ACYP2: variants seen among roughly 807,000 people sequenced by gnomAD.
ACYP2 encodes acylphosphatase 2, also known as acylphosphatase-2.
In ACYP2, 12 loss-of-function variants were observed where a neutral mutation model predicts 11.2. The observed-to-expected ratio is 1.08, with a 90% CI of 0.69 to 1.74. ACYP2 has a LOEUF of 1.74. Ranked by LOEUF, ACYP2 falls within the 40% of genes most tolerant of loss-of-function variation. ACYP2 has a pLI of 0.00. For missense variants in ACYP2, 134 were observed against 101.9 expected (o/e 1.31, Z -1.35); for synonymous variants, 43 against 32.2 (o/e 1.33, Z -1.13).
chr2:54,187,281 G>GTC (rs2103879952), intron 6 of ACYP2, among the ~76,000 whole-genome samples: 1 of 152,308 alleles, frequency 6.6e-6, no homozygotes, highest in Admixed American at 6.5e-5. Flanking sequence ...CCCTCCCAGA[G>GTC]TTACAAACCT....
In ACYP2 at chr2:54,124,814, C is replaced by T. The variant is rs191469777; in HGVS notation, c.278-10639C>T. On this transcript the variant is annotated intron_variant, in intron 4 of 6. Coordinates refer to ENST00000607452, the MANE Select transcript of ACYP2 (RefSeq NM_001320586.2). ...CTCACAGGCTCAATTGATCCTCCCC[C>T]ACTCTATCCTCCCTAATAGCTGGGA... 4.7e-3 allele frequency among the ~76,000 whole-genome samples: 720 copies of T among 152,324 alleles called. 2 individuals are homozygous for T. The highest frequency in any genetic ancestry group is 0.017 in the Middle Eastern group (5 of 294).
chr2:54,088,910 T>G lies in ACYP2; in HGVS notation c.277+31550T>G, dbSNP rs1424855294. Among the ~76,000 whole-genome samples the G allele has an allele frequency of 3.9e-5, 6 of 152,222 alleles. No homozygotes were observed. In the East Asian group the frequency reaches 1.2e-3, roughly 29 times the overall value. On this transcript the variant is annotated intron_variant, in intron 4 of 6. Transcript: ENST00000607452. ...TCACCATAAAACATTCTATTCTATC[T>G]GTATTCTGAAGCCCTACAGCCCACA...
intron 4 of ACYP2, chr2:54,123,064 G>A (rs561399040): frequency 4.6e-5 from 13 of 283,638 alleles, no homozygotes; most frequent in African/African-American, 1.1e-4. Context: ...TGCTCCCAGC[G>A]GGAGGAAGAA....
At chr2:54,169,783 G>C (rs1683150033) in intron 6 of ACYP2, among the ~76,000 whole-genome samples, 1 of 151,966 alleles carries the variant, frequency 6.6e-6, no homozygotes, top group South Asian at 2.1e-4. Context: ...TGGATGCTAA[G>C]AGTCAAACAG....
chr2:54,034,625 C>G (rs1456829606), intron 2 of ACYP2, among the ~76,000 whole-genome samples: 2 of 152,166 alleles, frequency 1.3e-5, no homozygotes, highest in Non-Finnish European at 2.9e-5. Context: ...TTTCTCAGAA[C>G]ATATTCTCAA....
At chr2:54,046,335 T>C (rs1303708272) in intron 2 of ACYP2, among the ~76,000 whole-genome samples, 1 of 151,816 alleles carries the variant, frequency 6.6e-6, no homozygotes, top group Non-Finnish European at 1.5e-5. Flanking sequence ...AAAAATTAGC[T>C]GGGTGTGATG....
intron 2 of ACYP2, among the ~76,000 whole-genome samples, chr2:54,027,837 C>CTTTTTT (rs34122179): frequency 1.9e-4 from 19 of 97,872 alleles, no homozygotes; most frequent in East Asian, 3.1e-4. Context: ...TTCTTTCTTT[C>CTTTTTT]TTTTTTTTTT....
intron 2 of ACYP2, among the ~76,000 whole-genome samples, chr2:53,998,136 T>G (rs191661917): frequency 3.7e-4 from 56 of 152,318 alleles, no homozygotes; most frequent in African/African-American, 1.3e-3. Flanking sequence ...ATTTGGGGCC[T>G]TAGAAGAGAG....
At chr2:54,195,508 G>A (rs1005134950) in intron 6 of ACYP2, among the ~76,000 whole-genome samples, 1 of 151,876 alleles carries the variant, frequency 6.6e-6, no homozygotes, top group Non-Finnish European at 1.5e-5. Flanking sequence ...TTCATGGCTC[G>A]CATGGCAGTT....
chr2:54,229,681 T>C (rs1390126799), intron 6 of ACYP2, among the ~76,000 whole-genome samples: 1 of 152,224 alleles, frequency 6.6e-6, no homozygotes, highest in Non-Finnish European at 1.5e-5. Flanking sequence ...TGCCTCCATA[T>C]TTTATAACAG....
intron 6 of ACYP2, among the ~76,000 whole-genome samples, chr2:54,170,903 A>G (rs1428583191): frequency 1.3e-5 from 2 of 151,906 alleles, no homozygotes; most frequent in East Asian, 3.9e-4. Flanking sequence ...TGACACAATC[A>G]CCTCCTCACT....
At chr2:54,036,931 G>C (rs1674932042) in intron 2 of ACYP2, among the ~76,000 whole-genome samples, 1 of 152,042 alleles carries the variant, frequency 6.6e-6, no homozygotes, top group Non-Finnish European at 1.5e-5. Context: ...ACTGCTTCAT[G>C]GTCAGGTCCC....
intron 6 of ACYP2, among the ~76,000 whole-genome samples, chr2:54,201,638 C>CTTTG (rs1558608826): frequency 0.05 from 3,000 of 59,530 alleles, 94 homozygotes; most frequent in South Asian, 0.084. Flanking sequence ...CTTTCTTTCT[C>CTTTG]TTTCTTTCTT....
At chr2:54,082,315 G>A (rs780903695) in intron 4 of ACYP2, among the ~76,000 whole-genome samples, 7 of 150,154 alleles carry the variant, frequency 4.7e-5, no homozygotes, top group African/African-American at 7.4e-5. Flanking sequence ...GTGTGGTCTC[G>A]GCTCACTGCA....
chr2:54,057,019 T>C (rs1226057681), intron 3 of ACYP2, among the ~76,000 whole-genome samples: 2 of 152,202 alleles, frequency 1.3e-5, no homozygotes, highest in Non-Finnish European at 2.9e-5. Context: ...CAAAACTATG[T>C]GAAAATTATA....
At chr2:54,060,086 T>C (rs1184590559) in intron 4 of ACYP2, among the ~76,000 whole-genome samples, 1 of 152,214 alleles carries the variant, frequency 6.6e-6, no homozygotes. Flanking sequence ...CAATCTGAAA[T>C]TGTATGTCTA....
intron 2 of ACYP2, among the ~76,000 whole-genome samples, chr2:53,986,114 G>C (rs1175752859): frequency 6.6e-6 from 1 of 151,890 alleles, no homozygotes; most frequent in African/African-American, 2.4e-5. Flanking sequence ...GCAACAGAGT[G>C]AGACTCCATC....
intron 2 of ACYP2, among the ~76,000 whole-genome samples, chr2:53,978,261 CAAA>C (rs1273195454): frequency 2.3e-4 from 13 of 56,140 alleles, no homozygotes; most frequent in Admixed American, 4.0e-4. Context: ...GACTCCATCT[CAAA>C]AAAAAAAAAA....
At chr2:54,177,662 G>A (rs973291309) in intron 6 of ACYP2, among the ~76,000 whole-genome samples, 2 of 145,190 alleles carry the variant, frequency 1.4e-5, no homozygotes, top group Non-Finnish European at 3.0e-5. Flanking sequence ...ACTGCAACCT[G>A]TGCCTCCCAG....
Sources: allele counts gnomAD v4.1 joint callset (sites outside exome capture counted in the v4.1 genomes callset), GRCh38; gene constraint gnomAD v4.1.1; transcripts MANE v1.5; gene names NCBI Gene and HGNC (gene_info 2026-07-23, HGNC 2026-07-21).